WIPF1: variants seen among roughly 807,000 people sequenced by gnomAD.
WIPF1 encodes WAS/WASL interacting protein family member 1.
A neutral mutation model predicts 35.4 loss-of-function variants in WIPF1; 13 were observed. That is an observed-to-expected ratio of 0.37 (90% CI 0.24 to 0.58). The LOEUF (loss-of-function observed/expected upper bound fraction) is 0.58. WIPF1 is among the 20% of genes least tolerant of loss of function. The probability of loss-of-function intolerance (pLI) is 0.74; values close to 1 mark genes in which losing one functional copy is unlikely to be tolerated. For synonymous variants in WIPF1, 267 were observed against 266.3 expected (o/e 1.00, Z -0.02); for missense variants, 591 against 667.0 (o/e 0.89, Z 1.25).
chr2:174,586,277 G>T (rs1025656499), intron 1 of WIPF1, among the ~76,000 whole-genome samples: 1 of 152,120 alleles, frequency 6.6e-6, no homozygotes, highest in African/African-American at 2.4e-5. Context: ...TTTCCTCAGA[G>T]GATCTAAGCG....
In WIPF1 at chr2:174,618,229, G is replaced by A. The variant is rs879921534; in HGVS notation, c.-38-32618C>T. 2.0e-4 allele frequency among the ~76,000 whole-genome samples: 30 copies of A among 152,206 alleles called. 1 individual carries two copies. The highest frequency in any genetic ancestry group is 2.0e-3 in the Admixed American group (30 of 15,284). The stretch of plus-strand genomic sequence containing the variant: ...ATGGTCAACTGGACCAGGCCAGCCA[G>A]GCCTCAGGCTGGAGAGCAGGCTGTG... On this transcript the variant is annotated intron_variant, in intron 1 of 8. Coordinates refer to the WIPF1 transcript ENST00000272746.
intron 1 of WIPF1, among the ~76,000 whole-genome samples, chr2:174,675,994 T>A (rs1688121828): frequency 6.6e-6 from 1 of 150,732 alleles, no homozygotes; most frequent in Non-Finnish European, 1.5e-5. Flanking sequence ...TCACCCAGGC[T>A]GGAGTGCAGT....
chr2:174,642,129 C>T (rs1232918092), intron 1 of WIPF1, among the ~76,000 whole-genome samples: 1 of 152,144 alleles, frequency 6.6e-6, no homozygotes, highest in Non-Finnish European at 1.5e-5. Context: ...TCTTTATTTT[C>T]TGCACATGCC....
In WIPF1 at chr2:174,571,491, T is replaced by C. The variant is rs1684833772; in HGVS notation, c.1129+185A>G. 2.7e-6 allele frequency: 2 copies of C among 753,332 alleles called. No homozygotes were observed. The highest frequency in any genetic ancestry group is 2.1e-5 in the Admixed American group (1 of 46,856). The allele number at this position is 753,332 out of a possible 1,614,324, so 46.7% of individuals were successfully genotyped here. On this transcript the variant is annotated intron_variant, in intron 5 of 7. Transcript: ENST00000679041. The surrounding 1 kb of genome is among the most constrained non-coding windows in gnomAD (Gnocchi z 4.6). ...CATCTCTAAAACACCAACAGAAATATTGGTCCCACTTTCCCCCGGGGTTTA... is the reference window on the plus strand; with the variant it reads ...CATCTCTAAAACACCAACAGAAATACTGGTCCCACTTTCCCCCGGGGTTTA...
rs1553527284 is a variant in WIPF1 at position 174,577,929 on chromosome 2, A to AG, written c.182-2550dup. ...AAGACCCTGTCTCCAAAAAAAAAAA[A>AG]GGGGGATAAACCCTGGTGTTGGTGA... On this transcript the variant is annotated intron_variant, in intron 3 of 7. Coordinates refer to ENST00000679041, the MANE Select transcript of WIPF1 (RefSeq NM_001375834.1). 1.1e-3 allele frequency among the ~76,000 whole-genome samples: 169 copies of AG among 151,220 alleles called. 1 individual carries two copies. The highest frequency in any genetic ancestry group is 2.7e-3 in the South Asian group (13 of 4,794).
intron 1 of WIPF1, among the ~76,000 whole-genome samples, chr2:174,657,841 T>A (rs917218687): frequency 7.8e-5 from 11 of 141,400 alleles, no homozygotes; most frequent in African/African-American, 2.9e-4. Context: ...ACCTGGGAGG[T>A]AGAGGTTGCG....
At chr2:174,641,112 C>T (rs142683733) in intron 1 of WIPF1, among the ~76,000 whole-genome samples, 19 of 152,314 alleles carry the variant, frequency 1.2e-4, no homozygotes, top group African/African-American at 4.6e-4. Flanking sequence ...ACTCAACTCC[C>T]ATTCAACAAA....
At chr2:174,676,689 A>C (rs1688139308) in intron 1 of WIPF1, 1 of 152,164 alleles carries the variant, frequency 6.6e-6, no homozygotes, top group Admixed American at 6.5e-5. Context: ...GTTGAACTTC[A>C]TTTATGTGGA....
chr2:174,641,792 T>C (rs1169066120), intron 1 of WIPF1, among the ~76,000 whole-genome samples: 1 of 152,234 alleles, frequency 6.6e-6, no homozygotes, highest in Non-Finnish European at 1.5e-5. Flanking sequence ...ACCAAGCCTG[T>C]GCCACATGCT....
intron 1 of WIPF1, among the ~76,000 whole-genome samples, chr2:174,634,003 T>C (rs1485532957): frequency 6.6e-6 from 1 of 152,238 alleles, no homozygotes; most frequent in East Asian, 1.9e-4. Context: ...GAATTTATAA[T>C]GACATACTAT....
intron 3 of WIPF1, among the ~76,000 whole-genome samples, chr2:174,577,882 A>T (rs1374388838): frequency 6.7e-6 from 1 of 149,798 alleles, no homozygotes; most frequent in African/African-American, 2.5e-5. Flanking sequence ...TCATACCATT[A>T]CTCCAGCCTG....
At chr2:174,668,496 A>C (rs1468329205) in intron 1 of WIPF1, among the ~76,000 whole-genome samples, 1 of 152,200 alleles carries the variant, frequency 6.6e-6, no homozygotes, top group East Asian at 1.9e-4. Flanking sequence ...ATAATGTGAC[A>C]CTAGTCAGTG....
chr2:174,582,508 C>G (rs149911361), intron 2 of WIPF1, among the ~76,000 whole-genome samples: 19 of 152,334 alleles, frequency 1.2e-4, no homozygotes, highest in Non-Finnish European at 1.8e-4. Context: ...GGAGGAAAAG[C>G]TGGGGAAATG....
Position 174,590,056 on chromosome 2 carries a change from AAAAAT to A in WIPF1, c.-38-4450_-38-4446del, listed in dbSNP as rs533372782. Among the ~76,000 whole-genome samples, 4 of 152,126 alleles carry A rather than the reference AAAAAT, an allele frequency of 2.6e-5. No homozygotes were observed. The highest frequency in any genetic ancestry group is 4.4e-5 in the Non-Finnish European group (3 of 68,012). ...GCTACAAAGTGAGCCCTTTATCTCT[AAAAAT>A]AAAATAAAATAAAATAAAAACAAAT... is the stretch of plus-strand genomic sequence containing the variant. On this transcript the variant is annotated intron_variant, in intron 1 of 7. Transcript: ENST00000679041. The surrounding 1 kb of genome is among the most constrained non-coding windows in gnomAD (Gnocchi z 4.6).
chr2:174,672,115 A>C (rs1688030524), intron 1 of WIPF1, among the ~76,000 whole-genome samples: 1 of 152,016 alleles, frequency 6.6e-6, no homozygotes, highest in Non-Finnish European at 1.5e-5. Flanking sequence ...CTTTCCCTTT[A>C]TTTCTCAGAC....
At chr2:174,631,940 A>T (rs1209101939) in intron 1 of WIPF1, among the ~76,000 whole-genome samples, 2 of 152,170 alleles carry the variant, frequency 1.3e-5, no homozygotes, top group Non-Finnish European at 2.9e-5. Context: ...TTCAGGGAGG[A>T]GAGGCCTGCC....
chr2:174,674,418 T>G (rs750547563), intron 1 of WIPF1, among the ~76,000 whole-genome samples: 5 of 152,248 alleles, frequency 3.3e-5, no homozygotes, highest in South Asian at 2.1e-4. Flanking sequence ...ACATTTATAT[T>G]TCCTGAGACA....
intron 1 of WIPF1, among the ~76,000 whole-genome samples, chr2:174,605,453 C>A (rs1186975242): frequency 1.3e-5 from 2 of 152,048 alleles, no homozygotes; most frequent in African/African-American, 4.8e-5. Flanking sequence ...AACAAACAAA[C>A]AAAAGGCAAC....
chr2:174,641,289 T>C (rs1424682959), intron 1 of WIPF1, among the ~76,000 whole-genome samples: 1 of 152,210 alleles, frequency 6.6e-6, no homozygotes, highest in Admixed American at 6.5e-5. Context: ...CATGAGTCCA[T>C]TATCATGCCT....
Sources: gnomAD v4.1 joint callset for allele counts (sites outside exome capture counted in the v4.1 genomes callset) on GRCh38, gnomAD v4.1.1 for gene constraint, Gnocchi (gnomAD v3.1) non-coding constraint, MANE v1.5 for transcripts, NCBI Gene and HGNC (gene_info 2026-07-23, HGNC 2026-07-21) for gene names.